EBF2: variants seen among roughly 807,000 people sequenced by gnomAD.
EBF2 encodes the protein transcription factor COE2.
Under a neutral mutation model 72.8 loss-of-function variants are expected in EBF2, and 21 were observed. The ratio of observed to expected loss-of-function variants is 0.29; its 90% CI spans 0.20 to 0.42. EBF2 has a LOEUF of 0.42. Ranked by LOEUF, EBF2 falls within the 10% of genes least tolerant of loss-of-function variation. EBF2 has a pLI of 1.00. For missense variants in EBF2, 637 were observed against 731.2 expected, an observed-to-expected ratio of 0.87 and a Z score of 1.49; for synonymous variants, 299 against 274.2, an observed-to-expected ratio of 1.09 and a Z score of -0.89.
intron 6 of EBF2, among the ~76,000 whole-genome samples, chr8:25,988,786 A>G (rs556415933): frequency 6.6e-6 from 1 of 152,230 alleles, no homozygotes; most frequent in Non-Finnish European, 1.5e-5. Flanking sequence ...CATTTTGCAG[A>G]TAAGGAAAAC....
rs192378821 is a variant in EBF2, at chr8:25,926,680, C to A, written c.552-18125G>T. ...TGTCAAAGTCCAGGCATAAAAACTC[C>A]CAGAAGCATGAGTCCTCTCCACATT... is the stretch of plus-strand genomic sequence containing the variant. On this transcript the variant is annotated intron_variant, in intron 6 of 15. Transcript: ENST00000520164. 1.2e-4 allele frequency among the ~76,000 whole-genome samples: 18 copies of A among 152,266 alleles called. No homozygotes were observed. In the East Asian group the frequency reaches 3.5e-3, roughly 29 times the overall value.
chr8:25,991,226 TGGGGAG>T (rs1464789737), intron 6 of EBF2, among the ~76,000 whole-genome samples: 1 of 152,206 alleles, frequency 6.6e-6, no homozygotes, highest in Non-Finnish European at 1.5e-5. Flanking sequence ...ATTTAATTCA[TGGGGAG>T]AGGGAGAGAT....
intron 3 of EBF2, 21 bp downstream of exon 3, chr8:26,040,918 C>A (rs575557285): frequency 1.2e-6 from 2 of 1,613,780 alleles, no homozygotes; most frequent in Middle Eastern, 1.7e-4. Context: ...GCCGGCTCAC[C>A]GTTGCTGTAG....
chr8:26,033,216 A>T, intron 5 of EBF2, 63 bp from the exon 6 acceptor site: 1 of 1,507,628 alleles, frequency 6.6e-7, no homozygotes, highest in Non-Finnish European at 9.2e-7. Flanking sequence ...TGCAATGAGC[A>T]CATGACAAGA....
chr8:25,892,679 T>G (rs768209809), intron 7 of EBF2, among the ~76,000 whole-genome samples: 1 of 152,204 alleles, frequency 6.6e-6, no homozygotes, highest in African/African-American at 2.4e-5. Flanking sequence ...TCATCTCATA[T>G]AGTGTCACAT....
At chr8:25,968,572 G>A (rs891344101) in intron 6 of EBF2, among the ~76,000 whole-genome samples, 1 of 152,094 alleles carries the variant, frequency 6.6e-6, no homozygotes, top group Admixed American at 6.6e-5. Flanking sequence ...CAGATTGTTT[G>A]TTTGCTTCAG....
chr8:25,981,754 C>A (rs932354830), intron 6 of EBF2, among the ~76,000 whole-genome samples: 8 of 150,258 alleles, frequency 5.3e-5, no homozygotes, highest in Admixed American at 4.6e-4. Context: ...TAAGATGGCA[C>A]CACTGCACTC....
At chr8:25,871,529 C>A (rs996722674) in intron 10 of EBF2, among the ~76,000 whole-genome samples, 1 of 152,080 alleles carries the variant, frequency 6.6e-6, no homozygotes, top group Non-Finnish European at 1.5e-5. Context: ...TTTATATTTA[C>A]CTTTTATTAA....
At chr8:25,962,807 T>C (rs912325102) in intron 6 of EBF2, among the ~76,000 whole-genome samples, 2 of 152,212 alleles carry the variant, frequency 1.3e-5, no homozygotes, top group African/African-American at 4.8e-5. Flanking sequence ...TGGCTATCAA[T>C]CCAAATCCCC....
chr8:25,981,701 C>A (rs1435167148), intron 6 of EBF2, among the ~76,000 whole-genome samples: 1 of 150,840 alleles, frequency 6.6e-6, no homozygotes, highest in Non-Finnish European at 1.5e-5. Context: ...GAGGCTGAGG[C>A]AGGAGAATCA....
intron 6 of EBF2, among the ~76,000 whole-genome samples, chr8:26,031,122 G>A (rs575639199): frequency 6.8e-4 from 103 of 152,258 alleles, no homozygotes; most frequent in African/African-American, 2.3e-3. Flanking sequence ...GGTTTACAGG[G>A]TGTTTATTAC....
intron 6 of EBF2, among the ~76,000 whole-genome samples, chr8:25,977,201 G>A (rs1383478908): frequency 6.6e-6 from 1 of 152,170 alleles, no homozygotes; most frequent in Non-Finnish European, 1.5e-5. Flanking sequence ...GTGGCTCGGG[G>A]TACAGTGAAG....
At chr8:25,848,639 C>A (rs537333580) in intron 15 of EBF2, among the ~76,000 whole-genome samples, 2 of 152,130 alleles carry the variant, frequency 1.3e-5, no homozygotes, top group Admixed American at 6.5e-5. Context: ...GCTCCACTTT[C>A]CCGTGAGAGA....
At chr8:25,987,232 C>A (rs1166873084) in intron 6 of EBF2, among the ~76,000 whole-genome samples, 2 of 152,144 alleles carry the variant, frequency 1.3e-5, no homozygotes, top group Non-Finnish European at 1.5e-5. Flanking sequence ...ATATGAACAT[C>A]ACAGATATAG....
intron 6 of EBF2, among the ~76,000 whole-genome samples, chr8:25,955,237 G>A (rs1448910366): frequency 1.3e-5 from 2 of 152,234 alleles, no homozygotes; most frequent in South Asian, 2.1e-4. Context: ...GTTGCTGCCA[G>A]GCATTAAACA....
intron 14 of EBF2, among the ~76,000 whole-genome samples, chr8:25,852,053 T>TTAAAGTAGTCTTGATTTAAGGAG (rs1298582237): frequency 3.3e-5 from 5 of 152,340 alleles, no homozygotes; most frequent in Non-Finnish European, 5.9e-5. Flanking sequence ...CATCTTATCC[T>TTAAAGTAGTCTTGATTTAAGGAG]TAAAGTAGTC....
Position 25,889,764 on chromosome 8 carries a change from C to G in EBF2, c.739G>C (p.Asp247His). The change falls in exon 8 of 16, where the codon GAT becomes CAT. Residue 247 changes from aspartate (D) to histidine (H), a missense_variant. Around this residue, in one of 3 missense-constraint regions of EBF2, gnomAD observed 204 missense variants for 301.2 expected, o/e 0.68. Transcript: ENST00000520164. ...SKHGRRARRL[D>H]PSEATPCIKA... The stretch of plus-strand genomic sequence containing the variant: ...CAGGCAGCCCTACCTTCCGATGGAT[C>G]GAGTCTTCTTGCTCTCCGTCCATGC... The G allele has an allele frequency of 6.2e-7, 1 of 1,613,712 alleles. No individual in the cohort carries two copies. The highest frequency in any genetic ancestry group is 8.5e-7 in the Non-Finnish European group (1 of 1,179,700).
intron 10 of EBF2, among the ~76,000 whole-genome samples, chr8:25,869,876 G>A (rs1300797324): frequency 1.3e-5 from 2 of 152,146 alleles, no homozygotes; most frequent in African/African-American, 4.8e-5. Context: ...CCTACAATGT[G>A]GGTTTTATCC....
chr8:26,009,921 C>T (rs937761123), intron 6 of EBF2, among the ~76,000 whole-genome samples: 1 of 152,186 alleles, frequency 6.6e-6, no homozygotes, highest in Non-Finnish European at 1.5e-5. Flanking sequence ...ATGGAATAAT[C>T]ATTTCACTGG....
Sources: allele counts gnomAD v4.1 joint callset (sites outside exome capture counted in the v4.1 genomes callset), GRCh38; gene constraint gnomAD v4.1.1; regional missense constraint gnomAD v4.1.1; transcripts MANE v1.5; gene names NCBI Gene and HGNC (gene_info 2026-07-23, HGNC 2026-07-21).